The following FRMD3 variants were observed in gnomAD, a reference collection of about 807,000 sequenced individuals.
The protein encoded by FRMD3 is FERM domain containing 3.
FRMD3 carries 33 observed loss-of-function variants against 70.2 expected under a neutral mutation model. That is an observed-to-expected ratio of 0.47 (90% CI 0.36 to 0.63). The LOEUF is 0.63. Ranked by LOEUF, FRMD3 falls within the 20% of genes least tolerant of loss-of-function variation. FRMD3 has a pLI of 0.00. For missense variants in FRMD3, 632 were observed against 711.4 expected (o/e 0.89, Z 1.27); for synonymous variants, 279 against 255.9 (o/e 1.09, Z -0.86).
At chr9:83,388,707 C>A (rs751279538) in intron 2 of FRMD3, among the ~76,000 whole-genome samples, 1 of 152,164 alleles carries the variant, frequency 6.6e-6, no homozygotes, top group Non-Finnish European at 1.5e-5. Context: ...AAAACAGGGG[C>A]TTTCAAGTTT....
intron 13 of FRMD3, among the ~76,000 whole-genome samples, chr9:83,274,472 A>C (rs1336970360): frequency 2.0e-5 from 3 of 152,256 alleles, no homozygotes; most frequent in African/African-American, 4.8e-5. Flanking sequence ...AATATGTCAT[A>C]GAGGAGGAGC....
chr9:83,584,133 A>C, the FRMD3 span, among the ~76,000 whole-genome samples: 1 of 152,228 alleles, frequency 6.6e-6, no homozygotes, highest in East Asian at 1.9e-4. Context: ...CAAGAGATCG[A>C]GACCATCTTG....
chr9:83,508,993 T>G (rs1361137441), intron 1 of FRMD3, among the ~76,000 whole-genome samples: 1 of 140,600 alleles, frequency 7.1e-6, no homozygotes, highest in Non-Finnish European at 1.5e-5. Flanking sequence ...TCACCCCCAA[T>G]GCCTTTCCTT....
At chr9:83,354,901 A>G (rs1260758131) in intron 3 of FRMD3, among the ~76,000 whole-genome samples, 1 of 152,138 alleles carries the variant, frequency 6.6e-6, no homozygotes. Context: ...AAAATAAAAC[A>G]CTCAAAAATC....
chr9:83,286,920 G>C (rs1301621333), intron 13 of FRMD3, among the ~76,000 whole-genome samples: 1 of 152,070 alleles, frequency 6.6e-6, no homozygotes, highest in Non-Finnish European at 1.5e-5. Context: ...AAACATTCCT[G>C]GGTCTCTATA....
At chr9:83,449,375 C>A (rs117505011) in intron 1 of FRMD3, among the ~76,000 whole-genome samples, 2,871 of 152,302 alleles carry the variant, frequency 0.019, 47 homozygotes, top group East Asian at 0.061. Context: ...TGTAAAATAT[C>A]TTTTAGAAGA....
At chr9:83,354,620 T>A (rs1824275664) in intron 3 of FRMD3, among the ~76,000 whole-genome samples, 1 of 152,128 alleles carries the variant, frequency 6.6e-6, no homozygotes, top group South Asian at 2.1e-4. Flanking sequence ...ATCCAGCTAA[T>A]AAACCTGTGC....
intron 1 of FRMD3, among the ~76,000 whole-genome samples, chr9:83,421,053 G>C (rs1826625140): frequency 1.4e-5 from 2 of 144,470 alleles, no homozygotes; most frequent in African/African-American, 5.2e-5. Context: ...CCATTCTCCT[G>C]CCTCAGCCTC....
chr9:83,292,281 C>T (rs988442131), intron 12 of FRMD3, among the ~76,000 whole-genome samples: 8 of 151,702 alleles, frequency 5.3e-5, no homozygotes, highest in East Asian at 2.0e-4. Flanking sequence ...GCCTCAGCCT[C>T]GCGAGTAGCT....
chr9:83,507,078 C>T (rs897729960), intron 1 of FRMD3, among the ~76,000 whole-genome samples: 1 of 152,106 alleles, frequency 6.6e-6, no homozygotes, highest in Non-Finnish European at 1.5e-5. Context: ...AACAATATAT[C>T]GACCAGGTGC....
chr9:83,299,093 T>C lies in FRMD3; in HGVS notation c.1001+19A>G. On this transcript the variant is annotated intron_variant, in intron 11 of 13. Transcript: ENST00000304195. ...GCCCATCCCCACCCCCTCACTGAAA[T>C]GGAACCATTGGTACCCACCTATATC... 1 of 1,556,870 alleles carries C rather than the reference T, an allele frequency of 6.4e-7. No homozygotes were observed. The highest frequency in any genetic ancestry group is 1.1e-5 in the South Asian group (1 of 89,600).
intron 1 of FRMD3, among the ~76,000 whole-genome samples, chr9:83,391,073 G>C (rs989550220): frequency 2.0e-5 from 3 of 152,112 alleles, no homozygotes; most frequent in Non-Finnish European, 4.4e-5. Context: ...CCTGGGATGC[G>C]CTGCACTGAG....
intron 13 of FRMD3, among the ~76,000 whole-genome samples, chr9:83,263,504 C>T (rs1833085566): frequency 1.3e-5 from 2 of 152,122 alleles, no homozygotes; most frequent in Admixed American, 6.5e-5. Context: ...AATAGCAAAA[C>T]GTTGGAAGAA....
rs570076322 is a variant in FRMD3 at position 83,425,717 on chromosome 9, C to A, written c.148-36009G>T. On this transcript the variant is annotated intron_variant, in intron 1 of 13. Coordinates refer to ENST00000304195, the MANE Select transcript of FRMD3 (RefSeq NM_174938.6). ...GGTCAGGAGTTCGAGACCAGCCTGG[C>A]CAACATGATGAAACCCCCATCTCTA... 2.1e-5 allele frequency among the ~76,000 whole-genome samples: 3 copies of A among 140,210 alleles called. No homozygotes were observed. The South Asian group carries it at 7.2e-4, about 34-fold the overall frequency. The allele number at this position is 140,210 out of a possible 152,430, so 92.0% of individuals were successfully genotyped here.
intron 3 of FRMD3, among the ~76,000 whole-genome samples, chr9:83,357,245 ACATAT>A (rs1564032567): frequency 0.04 from 262 of 6,478 alleles, 34 homozygotes; most frequent in Middle Eastern, 0.12. Context: ...TATAATACAT[ACATAT>A]ATATATATAT....
chr9:83,450,130 G>C (rs1464372891), intron 1 of FRMD3, among the ~76,000 whole-genome samples: 1 of 152,054 alleles, frequency 6.6e-6, no homozygotes, highest in Non-Finnish European at 1.5e-5. Flanking sequence ...TAAAGCTTAA[G>C]CAAGAAAATT....
the FRMD3 span, among the ~76,000 whole-genome samples, chr9:83,543,570 A>C: frequency 6.6e-6 from 1 of 152,156 alleles, no homozygotes; most frequent in Non-Finnish European, 1.5e-5. Context: ...GTGTCTCCAC[A>C]TCACCAAATC....
intron 13 of FRMD3, among the ~76,000 whole-genome samples, chr9:83,249,831 G>A (rs760528999): frequency 2.0e-5 from 3 of 152,132 alleles, no homozygotes; most frequent in Non-Finnish European, 2.9e-5. Flanking sequence ...GAAGACATTA[G>A]AACCCTGCAT....
intron 6 of FRMD3, among the ~76,000 whole-genome samples, chr9:83,321,762 C>T (rs939399985): frequency 6.6e-5 from 10 of 152,140 alleles, no homozygotes; most frequent in African/African-American, 2.4e-4. Context: ...CTGTCTAGTA[C>T]TGTGAGTGGG....
Sources: allele counts gnomAD v4.1 joint callset (sites outside exome capture counted in the v4.1 genomes callset), GRCh38; gene constraint gnomAD v4.1.1; transcripts MANE v1.5; gene names NCBI Gene and HGNC (gene_info 2026-07-23, HGNC 2026-07-21).